The following TMC5 variants were observed in gnomAD, a reference collection of about 807,000 sequenced individuals.
TMC5 encodes the protein transmembrane channel like 5.
Under a neutral mutation model 110.5 loss-of-function variants are expected in TMC5, and 86 were observed. The ratio of observed to expected loss-of-function variants is 0.78; its 90% CI spans 0.65 to 0.93. TMC5 has a LOEUF of 0.93. TMC5 is among the 40% of genes least tolerant of loss of function. TMC5 has a pLI of 0.00. For synonymous variants in TMC5, 455 were observed against 439.5 expected (o/e 1.04, Z -0.44); for missense variants, 1,144 against 1,222.8 (o/e 0.94, Z 0.96).
In TMC5 at chr16:19,490,389, T is replaced by G. The variant is rs1597218050; in HGVS notation, c.2574-6T>G. 6.2e-7 allele frequency: 1 copy of G among 1,613,998 alleles called. No homozygotes were observed. On this transcript the variant is annotated splice_polypyrimidine_tract_variant and splice_region_variant and intron_variant, in intron 17 of 21. Transcript: ENST00000542583. ...TAGAGATGTTCTTCCATCTTTGTTT[T>G]ACCAGATTGAAGCCTTCAGCTGACT...
upstream of TMC5, chr16:19,417,584 T>C (rs1003547796): frequency 6.6e-6 from 1 of 151,812 alleles, no homozygotes; most frequent in African/African-American, 2.4e-5. Context: ...TTCCTTATGG[T>C]GTCCAAGAAA....
intron 3 of TMC5, among the ~76,000 whole-genome samples, chr16:19,442,267 C>T (rs1597173465): frequency 6.6e-6 from 1 of 152,054 alleles, no homozygotes; most frequent in African/African-American, 2.4e-5. Flanking sequence ...CTTAGTTCTA[C>T]CAAATCTAAT....
chr16:19,462,538 G>A (rs557088645), intron 6 of TMC5: 6 of 702,154 alleles, frequency 8.5e-6, no homozygotes, highest in African/African-American at 7.0e-5. Context: ...GAGGACGAAG[G>A]AAGAGCAAAG....
chr16:19,424,442 G>A (rs1297411297), intron 1 of TMC5, among the ~76,000 whole-genome samples: 1 of 152,172 alleles, frequency 6.6e-6, no homozygotes, highest in Non-Finnish European at 1.5e-5. Context: ...CCTGAGGTCA[G>A]GAGTTCGAGA....
intron 12 of TMC5, among the ~76,000 whole-genome samples, chr16:19,475,269 A>G (rs1316435496): frequency 1.3e-5 from 2 of 152,116 alleles, no homozygotes; most frequent in African/African-American, 4.8e-5. Context: ...TAAAAATACA[A>G]AAATTAGCTG....
rs764505161 is a variant in TMC5 at position 19,486,983 on chromosome 16, A to C, written c.2402A>C (p.Gln801Pro). The C allele has an allele frequency of 1.2e-6, 2 of 1,614,078 alleles. No homozygotes were observed. The highest frequency in any genetic ancestry group is 1.7e-6 in the Non-Finnish European group (2 of 1,180,038). The change falls in exon 16 of 22, where the codon CAA (glutamine) becomes CCA (proline). Residue 801 changes from glutamine (Q) to proline (P), a missense_variant. Physicochemically the swap from Gln to Pro is moderately conservative, Grantham distance 76. Transcript: ENST00000542583. ...IFFCPLLPFI[Q>P]MIMLFIMFYS... The stretch of plus-strand genomic sequence containing the variant: ...TTCTGCCCCCTGCTGCCCTTTATCC[A>C]AATGATTATGCTTTTCATCATGTTC...
At chr16:19,444,896 C>T (rs750166016) in intron 4 of TMC5, among the ~76,000 whole-genome samples, 2 of 152,114 alleles carry the variant, frequency 1.3e-5, no homozygotes, top group Admixed American at 6.6e-5. Flanking sequence ...CTTGGGAGGT[C>T]GAGGCGGGCA....
intron 1 of TMC5, among the ~76,000 whole-genome samples, chr16:19,428,848 CAG>C (rs1458465888): frequency 6.6e-6 from 1 of 152,108 alleles, no homozygotes; most frequent in Non-Finnish European, 1.5e-5. Context: ...TTTCTTGAGA[CAG>C]AGTCTCTCTC....
intron 5 of TMC5, among the ~76,000 whole-genome samples, chr16:19,453,437 A>G (rs1270252447): frequency 6.6e-6 from 1 of 151,934 alleles, no homozygotes; most frequent in Non-Finnish European, 1.5e-5. Flanking sequence ...AAAAATACAA[A>G]AGTTAGCTGG....
chr16:19,486,960 C>T lies in TMC5; in HGVS notation c.2379C>T (p.Phe793=). 1 of 1,614,126 alleles carries T rather than the reference C, an allele frequency of 6.2e-7. No homozygotes were observed. The change falls in exon 16 of 22, where the codon TTC becomes TTT. Residue 793 remains phenylalanine, a synonymous_variant. Coordinates refer to ENST00000542583, the MANE Select transcript of TMC5 (RefSeq NM_001261841.2). ...AQTLVWIGIF[F]CPLLPFIQMI... is the part of the protein sequence containing the mutation. ...TCCCTCACAGGATTGGCATCTTCTT[C>T]TGCCCCCTGCTGCCCTTTATCCAAA...
At chr16:19,444,038 C>T (rs1485476225) in intron 3 of TMC5, 43 bp from the exon 4 acceptor site, 3 of 1,559,930 alleles carry the variant, frequency 1.9e-6, no homozygotes, top group East Asian at 2.3e-5. Flanking sequence ...ACAATCCTTA[C>T]TATACTCTTG....
intron 17 of TMC5, among the ~76,000 whole-genome samples, chr16:19,488,445 T>C (rs911481195): frequency 6.6e-6 from 1 of 151,670 alleles, no homozygotes; most frequent in Non-Finnish European, 1.5e-5. Context: ...GAACTTCATC[T>C]AAATTAACAG....
Position 19,440,159 on chromosome 16 carries a change from C to A in TMC5, c.121C>A (p.Pro41Thr). Residue 41 changes from proline to threonine, a missense_variant, in exon 3 of 22, where the codon CCT becomes ACT. Coordinates refer to ENST00000542583, the MANE Select transcript of TMC5 (RefSeq NM_001261841.2). ...TCAAGGTTATCCAGATGTTCCAGGT[C>A]CTCTGAACAATCCAGACTACCCCGG... ...KTQGYPDVPG[P>T]LNNPDYPGTR... 6.2e-7 allele frequency: 1 copy of A among 1,614,140 alleles called. No individual in the cohort carries two copies.
Position 19,487,264 on chromosome 16 carries a change from C to A in TMC5, c.2511C>A (p.Ile837=). Reference sequence around the variant, plus strand: ...CCTCACAGATGATGACTTTCTTCATCTTCTTGCTCTTTTTCCCATCCTTCA... The same window carrying A: ...CCTCACAGATGATGACTTTCTTCATATTCTTGCTCTTTTTCCCATCCTTCA... ...WRASQMMTFF[I]FLLFFPSFTG... is the part of the protein sequence containing the mutation. Residue 837 remains isoleucine (I), a synonymous_variant, in exon 17 of 22, where the codon ATC becomes ATA. Coordinates refer to ENST00000542583, the MANE Select transcript of TMC5 (RefSeq NM_001261841.2). 6.2e-7 allele frequency: 1 copy of A among 1,614,182 alleles called. No individual in the cohort carries two copies. Among genetic ancestry groups the A allele is most frequent in the Admixed American group, 1.7e-5 (1 of 60,024 alleles).
At chr16:19,411,943 T>A (rs1481021324) in intron 1 of TMC5, among the ~76,000 whole-genome samples, 2 of 152,218 alleles carry the variant, frequency 1.3e-5, no homozygotes, top group African/African-American at 4.8e-5. Flanking sequence ...GTCTGTGTGA[T>A]CTTGACATGC....
At position 19,498,009 on chromosome 16, in the gene TMC5, G is replaced by C. The variant is rs1478543246; in HGVS notation, c.*43G>C. On this transcript the variant is annotated 3_prime_UTR_variant, in exon 22 of 22. Coordinates refer to ENST00000542583, the MANE Select transcript of TMC5 (RefSeq NM_001261841.2). ...AGACACCAATCAAATAAGGGGAGGA[G>C]ACGAAAATGGAATGATTTCTTCCAT... 2 of 1,579,416 alleles carry C rather than the reference G, an allele frequency of 1.3e-6. No individual in the cohort carries two copies. The highest frequency in any genetic ancestry group is 1.7e-6 in the Non-Finnish European group (2 of 1,148,522).
At chr16:19,492,111 A>G (rs1968922280) in intron 18 of TMC5, 39 bp from the exon 19 acceptor site, 2 of 1,506,646 alleles carry the variant, frequency 1.3e-6, no homozygotes, top group Non-Finnish European at 1.8e-6. Context: ...CCTGCAAAAC[A>G]TTTGCAAGAG....
upstream of TMC5, among the ~76,000 whole-genome samples, chr16:19,417,103 A>AAAAG (rs1307918871): frequency 6.7e-6 from 1 of 149,576 alleles, no homozygotes; most frequent in Non-Finnish European, 1.5e-5. Flanking sequence ...TCAAAAAAAA[A>AAAAG]AAAAAAAAAA....
chr16:19,473,345 C>CA (rs35872301), intron 11 of TMC5, among the ~76,000 whole-genome samples: 319 of 20,238 alleles, frequency 0.016, 130 homozygotes, highest in Non-Finnish European at 0.027. Flanking sequence ...GACTCCGGCT[C>CA]AAAAAAAAAA....
Sources: gnomAD v4.1 joint callset for allele counts (sites outside exome capture counted in the v4.1 genomes callset) on GRCh38, gnomAD v4.1.1 for gene constraint, MANE v1.5 for transcripts, NCBI Gene and HGNC (gene_info 2026-07-23, HGNC 2026-07-21) for gene names.